The following DAB2IP variants were observed in gnomAD, a reference collection of about 807,000 sequenced individuals.
DAB2IP encodes disabled homolog 2-interacting protein.
Under a neutral mutation model 107.2 loss-of-function variants are expected in DAB2IP, and 28 were observed. The observed-to-expected ratio is 0.26, with a 90% CI of 0.19 to 0.36. The LOEUF (loss-of-function observed/expected upper bound fraction) is 0.36. Among genes scored for constraint, DAB2IP ranks in the 10% least tolerant of loss-of-function variants. The pLI is 1.00. For synonymous variants in DAB2IP, 755 were observed against 706.4 expected (o/e 1.07, Z -1.09); for missense variants, 1,400 against 1,644.7 (o/e 0.85, Z 2.57).
chr9:121,676,744 C>G (rs895373815), intron 1 of DAB2IP, among the ~76,000 whole-genome samples: 1 of 152,138 alleles, frequency 6.6e-6, no homozygotes, highest in African/African-American at 2.4e-5. Context: ...GAGGCAAGAG[C>G]TGGAAGTAGA....
intron 3 of DAB2IP, among the ~76,000 whole-genome samples, chr9:121,730,474 A>G (rs1018273689): frequency 8.5e-5 from 13 of 152,206 alleles, no homozygotes; most frequent in Non-Finnish European, 1.5e-4. Context: ...GAGAGGAGTC[A>G]GTGAATAGAA....
At chr9:121,735,314 G>A (rs1044285304) in intron 3 of DAB2IP, among the ~76,000 whole-genome samples, 6 of 152,160 alleles carry the variant, frequency 3.9e-5, no homozygotes, top group African/African-American at 1.4e-4. Flanking sequence ...AGCAGGGGAT[G>A]GAATGAGTCA....
rs115820834 is a variant in DAB2IP, at chr9:121,584,307, G to A, written c.40+17079G>A. Among the ~76,000 whole-genome samples the A allele has an allele frequency of 8.4e-3, 1,271 of 152,102 alleles. 25 individuals carry two copies. Among genetic ancestry groups the A allele is most frequent in the African/African-American group, 0.029 (1,204 of 41,478 alleles). Reference sequence around the variant, plus strand: ...GCCTGAAAATTTTCATTTAAATGACGGTTCTGGATCACTTGAGCCCAGGAA... The same window carrying A: ...GCCTGAAAATTTTCATTTAAATGACAGTTCTGGATCACTTGAGCCCAGGAA... On this transcript the variant is annotated intron_variant, in intron 1 of 16. Coordinates refer to the DAB2IP transcript ENST00000259371.
rs939553142 is a variant in DAB2IP at position 121,782,092 on chromosome 9, C to T, written c.3403-239C>T. On this transcript the variant is annotated intron_variant, in intron 15 of 15. Transcript: ENST00000408936. The surrounding 1 kb of genome is among the most constrained non-coding windows in gnomAD (Gnocchi z 6.1). The stretch of plus-strand genomic sequence containing the variant: ...GAGCAAGGGTGCCTGCCCTAGGGGC[C>T]GCAGGCAGCCCATAGACAGCACTAG... 3.3e-5 allele frequency among the ~76,000 whole-genome samples: 5 copies of T among 152,102 alleles called. No individual in the cohort carries two copies. Among genetic ancestry groups the T allele is most frequent in the East Asian group, 1.9e-4 (1 of 5,180 alleles).
chr9:121,580,614 G>A lies in DAB2IP; in HGVS notation c.40+13386G>A, dbSNP rs115392622. Among the ~76,000 whole-genome samples, 1,243 of 152,056 alleles carry A rather than the reference G, an allele frequency of 8.2e-3. 23 individuals are homozygous for A. Among genetic ancestry groups the A allele is most frequent in the African/African-American group, 0.029 (1,188 of 41,450 alleles). ...GCCTGGAGTTGAGAACTACAGAGTAGCCCATCTAAGAACTTTTTTTTTTTT... is the reference window on the plus strand; with the variant it reads ...GCCTGGAGTTGAGAACTACAGAGTAACCCATCTAAGAACTTTTTTTTTTTT... On this transcript the variant is annotated intron_variant, in intron 1 of 16. Transcript: ENST00000259371.
Position 121,701,039 on chromosome 9 carries a change from C to T in DAB2IP, c.362+1581C>T, listed in dbSNP as rs1215117035. On this transcript the variant is annotated intron_variant, in intron 3 of 15. Coordinates refer to ENST00000408936, the Ensembl canonical transcript of DAB2IP. The surrounding 1 kb of genome is among the most constrained non-coding windows in gnomAD (Gnocchi z 4.7). Reference sequence around the variant, plus strand: ...CCGGGCCCCTGCCTTCGGCTGTCTTCCCCAGGAACATGCCCTTCTCCGCGC... The same window carrying T: ...CCGGGCCCCTGCCTTCGGCTGTCTTTCCCAGGAACATGCCCTTCTCCGCGC... Among the ~76,000 whole-genome samples the T allele has an allele frequency of 1.3e-5, 2 of 152,262 alleles. No individual in the cohort carries two copies. The highest frequency in any genetic ancestry group is 4.8e-5 in the African/African-American group (2 of 41,476).
At chr9:121,614,836 C>A (rs527488709) in intron 1 of DAB2IP, among the ~76,000 whole-genome samples, 14 of 150,062 alleles carry the variant, frequency 9.3e-5, no homozygotes, top group African/African-American at 3.2e-4. Flanking sequence ...CAGGTTCAAG[C>A]GATTCTCCTG....
intron 8 of DAB2IP, among the ~76,000 whole-genome samples, chr9:121,765,188 G>A (rs957294234): frequency 6.6e-6 from 1 of 152,134 alleles, no homozygotes; most frequent in African/African-American, 2.4e-5. Flanking sequence ...ATTCCCAGCT[G>A]GGCTGTGCTT....
In DAB2IP at chr9:121,651,869, C is replaced by G. The variant is rs1236381230; in HGVS notation, c.94C>G (p.Arg32Gly). The change falls in exon 1 of 16, where the codon CGC (arginine) becomes GGC (glycine). Residue 32 changes from arginine (R) to glycine (G), a missense_variant. This residue lies in a region of DAB2IP where 283 missense variants were observed against 237.0 expected (regional missense o/e 1.19). Coordinates refer to ENST00000408936, the Ensembl canonical transcript of DAB2IP. The surrounding 1 kb of genome is among the most constrained non-coding windows in gnomAD (Gnocchi z 5.1). ...GCCCCGGCTGCAGCGACAGAGGAGC[C>G]GCTCCCGCAGCCGGACCCGGCCTGC... 3 of 1,447,166 alleles carry G rather than the reference C, an allele frequency of 2.1e-6. No individual in the cohort carries two copies. Among genetic ancestry groups the G allele is most frequent in the South Asian group, 1.4e-5 (1 of 72,770 alleles). The allele number at this position is 1,447,166 out of a possible 1,614,324, so 89.6% of individuals were successfully genotyped here. A position where few individuals can be genotyped will look rare whatever the true frequency, so the allele number is the denominator to read the frequency against.
At chr9:121,605,236 G>A (rs1207517682) in intron 1 of DAB2IP, among the ~76,000 whole-genome samples, 1 of 151,936 alleles carries the variant, frequency 6.6e-6, no homozygotes, top group African/African-American at 2.4e-5. Flanking sequence ...TCCCAAGCTG[G>A]TCTCGAACTC....
rs559658270 is a variant in DAB2IP, at chr9:121,755,403, T to G, written c.363-1610T>G. On this transcript the variant is annotated intron_variant, in intron 3 of 15. Coordinates refer to ENST00000408936, the Ensembl canonical transcript of DAB2IP. Reference sequence around the variant, plus strand: ...GAGTCCTTGTGGGAGTTGGGGAGGGTTCCCCCCTGTCTTGAACTTGTCTCA... The same window carrying G: ...GAGTCCTTGTGGGAGTTGGGGAGGGGTCCCCCCTGTCTTGAACTTGTCTCA... Among the ~76,000 whole-genome samples, 361 of 152,118 alleles carry G rather than the reference T, an allele frequency of 2.4e-3. 3 individuals are homozygous for G. Among genetic ancestry groups the G allele is most frequent in the African/African-American group, 8.2e-3 (342 of 41,484 alleles).
At position 121,699,347 on chromosome 9, in the gene DAB2IP, AG is replaced by A; in HGVS notation, c.254del (p.Gly85AlafsTer40). On this transcript the variant is annotated frameshift_variant, in exon 3 of 16. Coordinates refer to ENST00000408936, the Ensembl canonical transcript of DAB2IP. LOFTEE classifies it high-confidence loss of function. This position sits in a 1 kb window ranked among gnomAD's most constrained non-coding sequence, Gnocchi z 6.2. ...CAGGGCTTCCTCAGCCGCCGCCTCA[AG>A]GGCTCCATCAAGCGCACCAAGAGCC... The A allele has an allele frequency of 6.8e-7, 1 of 1,464,874 alleles. No homozygotes were observed. The highest frequency in any genetic ancestry group is 1.3e-5 in the South Asian group (1 of 78,440). 90.7% of individuals were successfully genotyped at this position (1,464,874 alleles called of 1,614,324 possible). A position where few individuals can be genotyped will look rare whatever the true frequency, so the allele number is the denominator to read the frequency against.
At chr9:121,671,094 T>C (rs1468720552) in intron 1 of DAB2IP, among the ~76,000 whole-genome samples, 1 of 152,096 alleles carries the variant, frequency 6.6e-6, no homozygotes, top group Non-Finnish European at 1.5e-5. Context: ...GTGATTGCAG[T>C]GAGCCGAGAT....
chr9:121,568,521 G>A (rs1829859554), intron 1 of DAB2IP, among the ~76,000 whole-genome samples: 2 of 152,182 alleles, frequency 1.3e-5, no homozygotes, highest in Admixed American at 1.3e-4. Context: ...GAAAAAAATA[G>A]GGAGAGCAGC....
Position 121,773,081 on chromosome 9 carries a change from TGAGG to T in DAB2IP, c.2555_2558del (p.Glu852AlafsTer5). 1 of 1,612,562 alleles carries T rather than the reference TGAGG, an allele frequency of 6.2e-7. No individual in the cohort carries two copies. The highest frequency in any genetic ancestry group is 1.1e-5 in the South Asian group (1 of 91,074). On this transcript the variant is annotated frameshift_variant, in exon 12 of 16. Transcript: ENST00000408936. LOFTEE classifies it high-confidence loss of function. ...CCCGTGGCCTTGGCGACTCAGGCTC[TGAGG>T]GCCACAGCTCCCTGAGCTCACACAG...
At chr9:121,766,674 T>A (rs1256121146) in exon 9 of DAB2IP, 5 of 1,614,142 alleles carry the variant, frequency 3.1e-6, no homozygotes, top group Non-Finnish European at 4.2e-6. Context: ...ATGACCGCAC[T>A]GCCCGCACCC....
exon 9 of DAB2IP, chr9:121,766,705 A>T (rs1834311961): frequency 6.2e-7 from 1 of 1,613,900 alleles, no homozygotes; most frequent in Admixed American, 1.7e-5. Flanking sequence ...CGCCAAGGTC[A>T]CCCAGAACCT....
At chr9:121,724,306 C>T (rs896986370) in intron 3 of DAB2IP, among the ~76,000 whole-genome samples, 1 of 152,102 alleles carries the variant, frequency 6.6e-6, no homozygotes, top group Non-Finnish European at 1.5e-5. Context: ...TTCCCTGCCC[C>T]ACGAGTGCTC....
chr9:121,706,586 C>T (rs749908734), intron 3 of DAB2IP, among the ~76,000 whole-genome samples: 1 of 152,204 alleles, frequency 6.6e-6, no homozygotes, highest in Non-Finnish European at 1.5e-5. Flanking sequence ...CCTCTCTGCC[C>T]CTCCTTCCAC....
Sources: allele counts gnomAD v4.1 joint callset (sites outside exome capture counted in the v4.1 genomes callset), GRCh38; gene constraint gnomAD v4.1.1; regional missense constraint gnomAD v4.1.1; non-coding constraint Gnocchi (gnomAD v3.1); transcripts MANE v1.5; gene names NCBI Gene and HGNC (gene_info 2026-07-23, HGNC 2026-07-21).